GRIK2: variants seen among roughly 807,000 people sequenced by gnomAD.
The protein encoded by GRIK2 is glutamate ionotropic receptor kainate type subunit 2.
GRIK2 carries 32 observed loss-of-function variants against 100.3 expected under a neutral mutation model. The observed-to-expected ratio is 0.32, with a 90% CI of 0.24 to 0.43. GRIK2 has a LOEUF of 0.43. GRIK2 is among the 20% of genes least tolerant of loss of function. GRIK2 has a pLI of 1.00. For missense variants in GRIK2, 843 were observed against 1,114.9 expected, an observed-to-expected ratio of 0.76 and a Z score of 3.47; for synonymous variants, 417 against 389.4, an observed-to-expected ratio of 1.07 and a Z score of -0.83.
intron 2 of GRIK2, among the ~76,000 whole-genome samples, chr6:101,459,734 A>T (rs1284799875): frequency 1.3e-5 from 2 of 151,582 alleles, no homozygotes; most frequent in Non-Finnish European, 2.9e-5. Context: ...TGCATACCTC[A>T]TTTTATTGTA....
intron 2 of GRIK2, among the ~76,000 whole-genome samples, chr6:101,519,286 A>G (rs1418767027): frequency 1.4e-5 from 2 of 146,770 alleles, no homozygotes; most frequent in Non-Finnish European, 3.0e-5. Flanking sequence ...CTAATGGCGC[A>G]TTGCGGAGTT....
At chr6:101,588,798 C>T (rs1778509971) in intron 2 of GRIK2, among the ~76,000 whole-genome samples, 1 of 151,926 alleles carries the variant, frequency 6.6e-6, no homozygotes, top group South Asian at 2.1e-4. Context: ...GCACATTATG[C>T]ACATGTACAC....
intron 2 of GRIK2, among the ~76,000 whole-genome samples, chr6:101,571,889 C>A (rs899961079): frequency 1.3e-5 from 2 of 152,108 alleles, no homozygotes; most frequent in African/African-American, 2.4e-5. Flanking sequence ...CTGTATATAA[C>A]AAAATCTCAT....
At chr6:101,535,862 T>C (rs1775666244) in intron 2 of GRIK2, among the ~76,000 whole-genome samples, 1 of 151,700 alleles carries the variant, frequency 6.6e-6, no homozygotes, top group African/African-American at 2.4e-5. Context: ...TGCAAATGTT[T>C]TGGTCACACA....
At chr6:101,820,088 A>G (rs2764228) in intron 10 of GRIK2, among the ~76,000 whole-genome samples, 41,318 of 152,048 alleles carry the variant, frequency 0.27, 7,571 homozygotes, top group East Asian at 0.67. Flanking sequence ...AGCCTGCTAC[A>G]TAGTTTTGTG....
At chr6:101,762,172 C>T (rs957364151) in intron 7 of GRIK2, among the ~76,000 whole-genome samples, 1 of 147,124 alleles carries the variant, frequency 6.8e-6, no homozygotes, top group Non-Finnish European at 1.5e-5. Flanking sequence ...GTCTCTGTCT[C>T]TCTCTCTCTC....
At chr6:101,619,638 G>A (rs1210961052) in intron 2 of GRIK2, among the ~76,000 whole-genome samples, 2 of 151,800 alleles carry the variant, frequency 1.3e-5, no homozygotes, top group African/African-American at 4.8e-5. Context: ...AACCACTTAA[G>A]GCTTGCATTT....
chr6:101,973,501 C>T (rs182180112), intron 14 of GRIK2, among the ~76,000 whole-genome samples: 1 of 151,884 alleles, frequency 6.6e-6, no homozygotes, highest in East Asian at 1.9e-4. Context: ...CTACCATAAC[C>T]TTTCAGGAGA....
intron 2 of GRIK2, among the ~76,000 whole-genome samples, chr6:101,614,842 CAG>C (rs1333107048): frequency 6.6e-6 from 1 of 151,720 alleles, no homozygotes; most frequent in African/African-American, 2.4e-5. Flanking sequence ...TGAAAAGTCT[CAG>C]AGGTTAGATG....
At chr6:101,767,263 A>G (rs370406899) in intron 7 of GRIK2, among the ~76,000 whole-genome samples, 1 of 152,186 alleles carries the variant, frequency 6.6e-6, no homozygotes, top group Non-Finnish European at 1.5e-5. Context: ...TTTTCTTCCA[A>G]ACAGTAATCA....
At chr6:101,443,448 A>G (rs1770193203) in intron 2 of GRIK2, among the ~76,000 whole-genome samples, 1 of 152,122 alleles carries the variant, frequency 6.6e-6, no homozygotes, top group African/African-American at 2.4e-5. Flanking sequence ...CATCAAAATA[A>G]ATTATGTGGC....
chr6:101,409,513 T>G (rs567809320), intron 2 of GRIK2, among the ~76,000 whole-genome samples: 1 of 152,240 alleles, frequency 6.6e-6, no homozygotes, highest in South Asian at 2.1e-4. Flanking sequence ...TTAAGACAAC[T>G]TTAGTAGAAT....
chr6:101,887,877 C>T (rs1479562365), intron 11 of GRIK2, among the ~76,000 whole-genome samples: 5 of 152,154 alleles, frequency 3.3e-5, no homozygotes, highest in African/African-American at 1.2e-4. Context: ...CGACCTTCAA[C>T]ACGTGCAGAT....
chr6:101,902,362 G>A (rs946329648), intron 12 of GRIK2, among the ~76,000 whole-genome samples: 8 of 152,062 alleles, frequency 5.3e-5, no homozygotes, highest in African/African-American at 1.9e-4. Flanking sequence ...AATGTATGAA[G>A]AAGGATATGT....
chr6:101,517,241 C>G (rs2128280160), intron 2 of GRIK2, among the ~76,000 whole-genome samples: 1 of 152,196 alleles, frequency 6.6e-6, no homozygotes, highest in East Asian at 1.9e-4. Context: ...AAAACCAGGC[C>G]ACCTCTGAAC....
rs577185154 is a variant in GRIK2, at chr6:101,939,417, C to T, written c.2085+10785C>T. 4.8e-4 allele frequency among the ~76,000 whole-genome samples: 73 copies of T among 152,102 alleles called. 3 individuals carry two copies. The South Asian group carries it at 6.8e-3, about 14-fold the overall frequency. ...GCTTAAATGTTGAATTGTTAAATTT[C>T]GGTAGCAGATGAAACCATTTCCCCC... is the stretch of plus-strand genomic sequence containing the variant. On this transcript the variant is annotated intron_variant, in intron 14 of 16. Transcript: ENST00000369134.
rs1770216963 is a variant in GRIK2, at chr6:102,035,390, G to A, written c.2135G>A (p.Arg712Lys). The A allele has an allele frequency of 2.5e-6, 4 of 1,608,560 alleles. No homozygotes were observed. In the East Asian group the frequency reaches 8.9e-5, roughly 36 times the overall value. ...YDKMWAFMSS[R>K]RQSVLVKSNE... ...AAAATGTGGGCCTTTATGAGTAGCA[G>A]AAGGCAGTCAGTGCTGGTCAAAAGT... Residue 712 changes from arginine to lysine, a missense_variant, in exon 15 of 17, where the codon AGA becomes AAA. Physicochemically the swap from Arg to Lys is conservative, Grantham distance 26 (BLOSUM62 2). This residue lies in a region of GRIK2 where 237 missense variants were observed against 388.0 expected (regional missense o/e 0.61). Transcript: ENST00000369134.
At chr6:101,489,958 GA>G (rs900385887) in intron 2 of GRIK2, among the ~76,000 whole-genome samples, 1 of 146,470 alleles carries the variant, frequency 6.8e-6, no homozygotes, top group South Asian at 2.2e-4. Flanking sequence ...ATCAGAGAAA[GA>G]AAAAATGTTA....
chr6:101,977,548 T>C (rs1274610340), intron 14 of GRIK2, among the ~76,000 whole-genome samples: 1 of 151,754 alleles, frequency 6.6e-6, no homozygotes, highest in Non-Finnish European at 1.5e-5. Context: ...CTTGGAAAAA[T>C]CCCACATCAG....
Sources: allele counts gnomAD v4.1 joint callset (sites outside exome capture counted in the v4.1 genomes callset), GRCh38; gene constraint gnomAD v4.1.1; regional missense constraint gnomAD v4.1.1; transcripts MANE v1.5; gene names NCBI Gene and HGNC (gene_info 2026-07-23, HGNC 2026-07-21).